The following ITSN2 variants were observed in gnomAD, a reference collection of about 807,000 sequenced individuals.
ITSN2 encodes intersectin-2.
Under a neutral mutation model 243.7 loss-of-function variants are expected in ITSN2, and 156 were observed. The ratio of observed to expected loss-of-function variants is 0.64; its 90% confidence interval spans 0.56 to 0.73. The LOEUF (loss-of-function observed/expected upper bound fraction) is 0.73. ITSN2 is among the 30% of genes least tolerant of loss of function. The pLI is 0.00. For missense variants in ITSN2, 1,801 were observed against 1,996.1 expected, an observed-to-expected ratio of 0.90 and a Z score of 1.86; for synonymous variants, 703 against 699.9, an observed-to-expected ratio of 1.00 and a Z score of -0.07.
Position 24,204,585 on chromosome 2 carries a change from C to G in ITSN2, c.4763-167G>C. 1 of 698,316 alleles carries G rather than the reference C, an allele frequency of 1.4e-6. No individual in the cohort carries two copies. Among genetic ancestry groups the G allele is most frequent in the Non-Finnish European group, 2.6e-6 (1 of 384,288 alleles). 43.3% of individuals were successfully genotyped at this position (698,316 alleles called of 1,614,324 possible). A position where few individuals can be genotyped will look rare whatever the true frequency, so the allele number is the denominator to read the frequency against. The stretch of plus-strand genomic sequence containing the variant: ...TATCCCTGTGGTCTAGTAACAGGGT[C>G]TCCAAGTTCCCAGTGCTGACAGCAG... On this transcript the variant is annotated intron_variant, in intron 38 of 39. Coordinates refer to ENST00000355123, the MANE Select transcript of ITSN2 (RefSeq NM_006277.3). This position sits in a 1 kb window ranked among gnomAD's most constrained non-coding sequence, Gnocchi z 5.1.
chr2:24,235,561 C>T (rs1558461669), intron 29 of ITSN2, among the ~76,000 whole-genome samples: 1 of 152,104 alleles, frequency 6.6e-6, no homozygotes, highest in Non-Finnish European at 1.5e-5. Flanking sequence ...ATGGGGGAGG[C>T]TATGCCTGTG....
chr2:24,337,187 T>C (rs1456954312), intron 1 of ITSN2, among the ~76,000 whole-genome samples: 2 of 149,646 alleles, frequency 1.3e-5, no homozygotes, highest in Admixed American at 6.7e-5. Context: ...ATATTTTGAA[T>C]CATTTTGATT....
chr2:24,312,133 A>T, intron 5 of ITSN2, 79 bp downstream of exon 5: 1 of 1,201,464 alleles, frequency 8.3e-7, no homozygotes, highest in Non-Finnish European at 1.1e-6. Context: ...GTGCTAACAA[A>T]TCCTTTTCTA....
chr2:24,309,606 C>T (rs1682999937), intron 7 of ITSN2, among the ~76,000 whole-genome samples: 1 of 152,202 alleles, frequency 6.6e-6, no homozygotes, highest in South Asian at 2.1e-4. Flanking sequence ...GAGACTACCG[C>T]ATATAAAGAA....
chr2:24,261,148 A>C lies in ITSN2; in HGVS notation c.2640T>G (p.Thr880=). Residue 880 remains threonine (T), a synonymous_variant, in exon 22 of 40, where the codon ACT becomes ACG. Coordinates refer to ENST00000355123, the MANE Select transcript of ITSN2 (RefSeq NM_006277.3). ...ATACAGATCCAGGGGACACAGTTCG[A>C]GTGAAGGCTGATTTTTTCTGCCATG... is the stretch of plus-strand genomic sequence containing the variant. ...NTSWQKKSAF[T]RTVSPGSVSP... is the part of the protein sequence containing the mutation. 6.2e-7 allele frequency: 1 copy of C among 1,613,950 alleles called. No homozygotes were observed. The highest frequency in any genetic ancestry group is 8.5e-7 in the Non-Finnish European group (1 of 1,179,856).
In ITSN2 at chr2:24,225,879, T is replaced by C. The variant is rs940656278; in HGVS notation, c.3578-4813A>G. Among the ~76,000 whole-genome samples the C allele has an allele frequency of 6.6e-6, 1 of 152,198 alleles. No homozygotes were observed. The highest frequency in any genetic ancestry group is 2.4e-5 in the African/African-American group (1 of 41,458). ...TTTTTTGTCCTGAGAAAAGTCCTGA[T>C]GAACTGAGGAATTCGGGTTTTATGG... On this transcript the variant is annotated intron_variant, in intron 29 of 39. Transcript: ENST00000355123. This position sits in a 1 kb window ranked among gnomAD's most constrained non-coding sequence, Gnocchi z 4.2.
chr2:24,278,325 A>G (rs72855425), intron 17 of ITSN2, among the ~76,000 whole-genome samples: 1,679 of 152,304 alleles, frequency 0.011, 29 homozygotes, highest in African/African-American at 0.039. Flanking sequence ...TCCTCCACTG[A>G]AGTGAGTTTC....
chr2:24,241,214 C>T (rs1672693411), intron 29 of ITSN2: 1 of 152,108 alleles, frequency 6.6e-6, no homozygotes, highest in South Asian at 2.1e-4. Context: ...CCTTTGTATA[C>T]TGGGACATGT....
intron 17 of ITSN2, among the ~76,000 whole-genome samples, chr2:24,284,542 G>A (rs1194723326): frequency 6.6e-6 from 1 of 152,146 alleles, no homozygotes; most frequent in Admixed American, 6.5e-5. Flanking sequence ...CTTCTTTTGA[G>A]AAAGGTTACT....
chr2:24,278,035 G>T (rs148331288), intron 17 of ITSN2, among the ~76,000 whole-genome samples: 1 of 152,256 alleles, frequency 6.6e-6, no homozygotes, highest in African/African-American at 2.4e-5. Context: ...GCTTATTATA[G>T]TGCAGAGCAC....
chr2:24,324,173 A>G (rs930952915), intron 2 of ITSN2, among the ~76,000 whole-genome samples: 2 of 152,206 alleles, frequency 1.3e-5, no homozygotes, highest in Non-Finnish European at 2.9e-5. Flanking sequence ...CGGAGCTTGC[A>G]GTGAGCAGAG....
In ITSN2 at chr2:24,261,032, T is replaced by C. The variant is rs75617217; in HGVS notation, c.2682+74A>G. ...GGTTAAATGAGTGAATGGTCCTTTG[T>C]ATATAATTTTCATTCTATTTTAATC... is the stretch of plus-strand genomic sequence containing the variant. On this transcript the variant is annotated intron_variant, in intron 22 of 39. Transcript: ENST00000355123. The C allele has an allele frequency of 5.7e-5, 76 of 1,334,104 alleles. No homozygotes were observed. The East Asian group carries it at 1.8e-3, about 31-fold the overall frequency. The allele number at this position is 1,334,104 out of a possible 1,614,324, so 82.6% of individuals were successfully genotyped here. A position where few individuals can be genotyped will look rare whatever the true frequency, so the allele number is the denominator to read the frequency against.
At chr2:24,323,657 T>C (rs1684829851) in intron 2 of ITSN2, among the ~76,000 whole-genome samples, 2 of 152,200 alleles carry the variant, frequency 1.3e-5, no homozygotes, top group African/African-American at 4.8e-5. Context: ...TATATAGTTT[T>C]AGAAACTCAT....
intron 17 of ITSN2, among the ~76,000 whole-genome samples, chr2:24,282,930 C>T (rs1160684753): frequency 6.6e-6 from 1 of 151,450 alleles, no homozygotes; most frequent in Admixed American, 6.6e-5. Flanking sequence ...TTTGCTCCAT[C>T]AATTACCACA....
chr2:24,356,149 C>T (rs1688422595), intron 1 of ITSN2, among the ~76,000 whole-genome samples: 2 of 151,300 alleles, frequency 1.3e-5, no homozygotes, highest in South Asian at 4.2e-4. Context: ...TTGCAGTGAG[C>T]CAAGATCGCA....
rs534447630 is a variant in ITSN2, at chr2:24,300,127, T to C, written c.1126A>G (p.Met376Val). ...KRKANYERGN[M>V]ELEKRRQALM... The stretch of plus-strand genomic sequence containing the variant: ...GCTTGGCGTCGCTTTTCCAGCTCCA[T>C]GTTCCCTCGCTCATAGTTGGCTTTC... The change falls in exon 12 of 40, where the codon ATG (methionine) becomes GTG (valine). Residue 376 changes from methionine (M) to valine (V), a missense_variant. Physicochemically the swap from Met to Val is conservative, Grantham distance 21. Around this residue, in one of 5 missense-constraint regions of ITSN2, gnomAD observed 787 missense variants for 803.9 expected, o/e 0.98. Coordinates refer to ENST00000355123, the MANE Select transcript of ITSN2 (RefSeq NM_006277.3). 11 of 1,614,170 alleles carry C rather than the reference T, an allele frequency of 6.8e-6. No homozygotes were observed. The South Asian group carries it at 7.7e-5, about 11-fold the overall frequency.
At chr2:24,207,803 G>C (rs1573848393) in intron 37 of ITSN2, among the ~76,000 whole-genome samples, 1 of 152,002 alleles carries the variant, frequency 6.6e-6, no homozygotes, top group African/African-American at 2.4e-5. Context: ...CAGACTTAGG[G>C]TCTAGGCCCC....
chr2:24,246,268 G>A lies in ITSN2; in HGVS notation c.3438C>T (p.Leu1146=). The change falls in exon 29 of 40, where the codon CTC becomes CTT. Residue 1146 remains leucine, a synonymous_variant. Transcript: ENST00000355123. ...YDYAANNEDE[L]SFSKGQLINV... ...TAATGAGTTGTCCCTTGGAGAAACT[G>A]AGCTCATCTTCATTATTTGCTGCAT... 1 of 1,612,680 alleles carries A rather than the reference G, an allele frequency of 6.2e-7. No individual in the cohort carries two copies. The highest frequency in any genetic ancestry group is 8.5e-7 in the Non-Finnish European group (1 of 1,178,938).
At chr2:24,219,269 G>A (rs1335528960) in intron 30 of ITSN2, among the ~76,000 whole-genome samples, 1 of 152,210 alleles carries the variant, frequency 6.6e-6, no homozygotes, top group African/African-American at 2.4e-5. Flanking sequence ...TCTGTTCTCT[G>A]GCATAGCCCT....
Sources: allele counts gnomAD v4.1 joint callset (sites outside exome capture counted in the v4.1 genomes callset), GRCh38; gene constraint gnomAD v4.1.1; regional missense constraint gnomAD v4.1.1; non-coding constraint Gnocchi (gnomAD v3.1); transcripts MANE v1.5; gene names NCBI Gene and HGNC (gene_info 2026-07-23, HGNC 2026-07-21).